GRM8: variants seen among roughly 807,000 people sequenced by gnomAD.
GRM8 encodes the protein metabotropic glutamate receptor 8.
A neutral mutation model predicts 87.2 loss-of-function variants in GRM8; 47 were observed. That is an observed-to-expected ratio of 0.54 (90% CI 0.43 to 0.69). The LOEUF (loss-of-function observed/expected upper bound fraction) is 0.69, where lower values mean the gene tolerates loss of function less well. Ranked by LOEUF, GRM8 falls within the 30% of genes least tolerant of loss-of-function variation. The pLI is 0.00. For synonymous variants in GRM8, 396 were observed against 404.5 expected (o/e 0.98, Z 0.25); for missense variants, 1,019 against 1,139.2 (o/e 0.89, Z 1.52).
intron 8 of GRM8, 123 bp from the exon 9 acceptor site, chr7:126,534,010 G>A (rs1290777695): frequency 3.3e-5 from 24 of 729,970 alleles, no homozygotes; most frequent in Non-Finnish European, 5.1e-5. Context: ...ACCATAATAA[G>A]AGTCTCGTTT....
At chr7:126,757,024 G>C (rs58549454) in intron 7 of GRM8, among the ~76,000 whole-genome samples, 4,476 of 152,060 alleles carry the variant, frequency 0.029, 250 homozygotes, top group African/African-American at 0.1. Flanking sequence ...CTCATTAATA[G>C]ATATTAAATG....
chr7:126,473,788 A>G (rs1427135538), intron 9 of GRM8, among the ~76,000 whole-genome samples: 1 of 152,048 alleles, frequency 6.6e-6, no homozygotes, highest in Non-Finnish European at 1.5e-5. Context: ...TCATGGGGGC[A>G]GGTTTTTCCC....
Position 127,085,958 on chromosome 7 carries a change from A to G in GRM8, c.727+20538T>C, listed in dbSNP as rs1586956770. Among the ~76,000 whole-genome samples, 5 of 152,284 alleles carry G rather than the reference A, an allele frequency of 3.3e-5. No individual in the cohort carries two copies. The East Asian group carries it at 7.7e-4, about 24-fold the overall frequency. On this transcript the variant is annotated intron_variant, in intron 3 of 10. Coordinates refer to ENST00000339582, the MANE Select transcript of GRM8 (RefSeq NM_000845.3). ...GTTAGGTCTTACATTTAAGTCTTTA[A>G]TCTATCTTGAGTATGCATATCAAGA...
intron 9 of GRM8, among the ~76,000 whole-genome samples, chr7:126,497,286 A>T (rs1808905311): frequency 6.6e-6 from 1 of 151,952 alleles, no homozygotes. Flanking sequence ...CCAATTCATT[A>T]ATTTTCTTAA....
intron 6 of GRM8, among the ~76,000 whole-genome samples, chr7:126,818,043 T>C (rs1438534485): frequency 6.6e-6 from 1 of 152,170 alleles, no homozygotes; most frequent in Non-Finnish European, 1.5e-5. Flanking sequence ...TAAACTTCTT[T>C]GACTCTTTTT....
At chr7:127,169,537 T>C (rs923452241) in intron 2 of GRM8, among the ~76,000 whole-genome samples, 2 of 151,890 alleles carry the variant, frequency 1.3e-5, no homozygotes, top group Admixed American at 6.5e-5. Context: ...ACTAAGATCA[T>C]TGATGAAGGC....
At chr7:126,691,406 G>A (rs1468830907) in intron 7 of GRM8, among the ~76,000 whole-genome samples, 3 of 152,148 alleles carry the variant, frequency 2.0e-5, no homozygotes, top group Non-Finnish European at 4.4e-5. Context: ...GGCTTCCCAG[G>A]CCCCCAAAAG....
chr7:126,490,756 T>C (rs1304493703), intron 9 of GRM8, among the ~76,000 whole-genome samples: 1 of 152,094 alleles, frequency 6.6e-6, no homozygotes, highest in Admixed American at 6.6e-5. Context: ...CTCAGACTTC[T>C]GCTTTCAGGA....
chr7:126,768,938 A>AACAAAAAAAAAT (rs371172804), intron 7 of GRM8, among the ~76,000 whole-genome samples: 38 of 148,154 alleles, frequency 2.6e-4, no homozygotes, highest in Admixed American at 1.3e-3. Context: ...AAAAAAAAAA[A>AACAAAAAAAAAT]AAATAAAGAA....
intron 2 of GRM8, among the ~76,000 whole-genome samples, chr7:127,174,942 C>A (rs771085643): frequency 1.3e-5 from 2 of 152,098 alleles, no homozygotes; most frequent in Non-Finnish European, 2.9e-5. Context: ...TATGGACAAA[C>A]AGGGAGCTTT....
In GRM8 at chr7:126,456,453, G is replaced by A. The variant is rs370888358; in HGVS notation, c.2431-10081C>T. On this transcript the variant is annotated intron_variant, in intron 9 of 10. Transcript: ENST00000339582. ...CTAGGGTACTACAGAGAAGTAAACC[G>A]GGTATTTTATACCTTTTTTTTCCCT... is the stretch of plus-strand genomic sequence containing the variant. 6.4e-4 allele frequency among the ~76,000 whole-genome samples: 90 copies of A among 141,486 alleles called. 1 individual carries two copies. Among genetic ancestry groups the A allele is most frequent in the African/African-American group, 2.3e-3 (85 of 37,634 alleles). The allele number at this position is 141,486 out of a possible 152,430, so 92.8% of individuals were successfully genotyped here.
At chr7:127,228,289 T>G (rs1396313537) in intron 2 of GRM8, 1 of 152,128 alleles carries the variant, frequency 6.6e-6, no homozygotes, top group Non-Finnish European at 1.5e-5. Context: ...TCCAATAAGA[T>G]CAGGCGTGTT....
intron 3 of GRM8, among the ~76,000 whole-genome samples, chr7:127,044,431 A>T (rs1001453179): frequency 3.9e-5 from 6 of 152,180 alleles, no homozygotes; most frequent in Non-Finnish European, 5.9e-5. Context: ...TGGGACATGA[A>T]ATTGAGTCTA....
At chr7:127,188,634 T>TG (rs2116466445) in intron 2 of GRM8, among the ~76,000 whole-genome samples, 1 of 152,344 alleles carries the variant, frequency 6.6e-6, no homozygotes, top group Admixed American at 6.5e-5. Context: ...TTTTTTAACT[T>TG]GTTCTCATGC....
chr7:126,982,224 TTCTGGCC>T (rs1563378409), intron 3 of GRM8, among the ~76,000 whole-genome samples: 1 of 152,216 alleles, frequency 6.6e-6, no homozygotes, highest in East Asian at 1.9e-4. Flanking sequence ...CCACTTTATA[TTCTGGCC>T]ATGCTGGCAG....
At chr7:126,640,328 A>C (rs1287866358) in intron 7 of GRM8, among the ~76,000 whole-genome samples, 5 of 152,086 alleles carry the variant, frequency 3.3e-5, no homozygotes, top group Non-Finnish European at 5.9e-5. Flanking sequence ...GGAGAGAGGG[A>C]GGTGGAGTGT....
chr7:126,579,234 A>G (rs1795386291), intron 8 of GRM8, among the ~76,000 whole-genome samples: 1 of 152,210 alleles, frequency 6.6e-6, no homozygotes, highest in Admixed American at 6.5e-5. Flanking sequence ...TAACAGGAAA[A>G]AAGGACAAAG....
chr7:126,439,507 T>A (rs1801210402), intron 10 of GRM8, among the ~76,000 whole-genome samples: 1 of 152,160 alleles, frequency 6.6e-6, no homozygotes, highest in Non-Finnish European at 1.5e-5. Flanking sequence ...CTACCAGTCA[T>A]GAAAAAGCAT....
chr7:127,152,825 C>A (rs7795904), intron 2 of GRM8, among the ~76,000 whole-genome samples: 38,420 of 152,044 alleles, frequency 0.25, 5,907 homozygotes, highest in African/African-American at 0.43. Context: ...AAATAATTTT[C>A]AGACATGTTT....
Sources: allele counts gnomAD v4.1 joint callset (sites outside exome capture counted in the v4.1 genomes callset), GRCh38; gene constraint gnomAD v4.1.1; transcripts MANE v1.5; gene names NCBI Gene and HGNC (gene_info 2026-07-23, HGNC 2026-07-21).